ANK3: variants seen among roughly 807,000 people sequenced by gnomAD.
ANK3 encodes ankyrin 3.
In ANK3, 57 loss-of-function variants were observed where a neutral mutation model predicts 370.9. That is an observed-to-expected ratio of 0.15 (90% CI 0.12 to 0.19). ANK3 has a LOEUF of 0.19. ANK3 is among the 10% of genes least tolerant of loss of function. ANK3 has a pLI of 1.00. For missense variants in ANK3, 4,439 were observed against 5,302.1 expected, an observed-to-expected ratio of 0.84 and a Z score of 5.06; for synonymous variants, 1,929 against 1,946.3, an observed-to-expected ratio of 0.99 and a Z score of 0.23.
chr10:60,140,269 A>G (rs1329636462), intron 23 of ANK3: 12 of 1,387,866 alleles, frequency 8.6e-6, no homozygotes, highest in Non-Finnish European at 1.2e-5. Context: ...TATTTTAAGT[A>G]ACTATTTACG....
intron 7 of ANK3, among the ~76,000 whole-genome samples, chr10:60,238,977 T>C (rs896883581): frequency 1.3e-5 from 2 of 152,086 alleles, no homozygotes; most frequent in Non-Finnish European, 2.9e-5. Flanking sequence ...TGGAAACATT[T>C]GATAAGAAAA....
At chr10:60,094,558 T>C (rs1027477908) in intron 28 of ANK3, among the ~76,000 whole-genome samples, 4 of 152,148 alleles carry the variant, frequency 2.6e-5, no homozygotes, top group African/African-American at 4.8e-5. Flanking sequence ...AAGTTTTTTC[T>C]CTAAGAATAA....
At chr10:60,141,569 T>TG (rs2094562565) in intron 23 of ANK3, among the ~76,000 whole-genome samples, 4 of 59,076 alleles carry the variant, frequency 6.8e-5, no homozygotes, top group Non-Finnish European at 1.7e-4. Flanking sequence ...CTGTTTTTTT[T>TG]TTTTTTTTTT....
Position 60,077,681 on chromosome 10 carries a change from T to C in ANK3, c.4433-1233A>G, listed in dbSNP as rs186577469. On this transcript the variant is annotated intron_variant, in intron 36 of 43. Coordinates refer to ENST00000280772, the MANE Select transcript of ANK3 (RefSeq NM_020987.5). ...TCATAACCTAATCTACATTTAATTT[T>C]CAAAAGCTATCATGGGGGACATCTA... is the stretch of plus-strand genomic sequence containing the variant. Among the ~76,000 whole-genome samples, 340 of 152,338 alleles carry C rather than the reference T, an allele frequency of 2.2e-3. 3 individuals are homozygous for C. The highest frequency in any genetic ancestry group is 8.9e-3 in the South Asian group (43 of 4,826).
intron 2 of ANK3, among the ~76,000 whole-genome samples, chr10:60,431,990 T>A (rs2132980220): frequency 6.6e-6 from 1 of 152,282 alleles, no homozygotes; most frequent in Admixed American, 6.5e-5. Context: ...TCTCATGAAA[T>A]GAAATCAGAA....
intron 2 of ANK3, among the ~76,000 whole-genome samples, chr10:60,408,170 C>T (rs12776510): frequency 0.75 from 114,269 of 152,146 alleles, 43,115 homozygotes; most frequent in South Asian, 0.91. Flanking sequence ...CTTTCTGTTA[C>T]ATTCTATCAG....
At chr10:60,592,339 A>T (rs10994422) in intron 2 of ANK3, among the ~76,000 whole-genome samples, 1 of 152,240 alleles carries the variant, frequency 6.6e-6, no homozygotes, top group Non-Finnish European at 1.5e-5. Context: ...AATGTATAGG[A>T]CAATGAATTA....
intron 2 of ANK3, among the ~76,000 whole-genome samples, chr10:60,402,084 T>C (rs983406959): frequency 5.9e-5 from 9 of 152,210 alleles, no homozygotes; most frequent in African/African-American, 2.2e-4. Flanking sequence ...TTACAACTTA[T>C]TAACAGCTGT....
chr10:60,725,866 T>C (rs531744813), intron 1 of ANK3, among the ~76,000 whole-genome samples: 36 of 152,164 alleles, frequency 2.4e-4, no homozygotes, highest in African/African-American at 8.4e-4. Flanking sequence ...TTCCGAAACA[T>C]AGGGAAACTG....
intron 1 of ANK3, among the ~76,000 whole-genome samples, chr10:60,297,510 T>A (rs1593252851): frequency 6.6e-6 from 1 of 152,134 alleles, no homozygotes; most frequent in Non-Finnish European, 1.5e-5. Context: ...AAGACACAGT[T>A]TAATTTTTAT....
At chr10:60,715,112 T>C (rs937938588) in intron 1 of ANK3, among the ~76,000 whole-genome samples, 2 of 139,456 alleles carry the variant, frequency 1.4e-5, no homozygotes, top group African/African-American at 2.5e-5. Context: ...ACACTCTACA[T>C]TTTCTACTCC....
chr10:60,663,455 T>A (rs2078959812), intron 1 of ANK3, among the ~76,000 whole-genome samples: 1 of 152,078 alleles, frequency 6.6e-6, no homozygotes, highest in Admixed American at 6.6e-5. Context: ...GTCAGCTCTG[T>A]CCAGGGCTAT....
At chr10:60,172,568 G>C (rs1239443713) in intron 20 of ANK3, among the ~76,000 whole-genome samples, 165 bp from the exon 21 acceptor site, 1 of 152,178 alleles carries the variant, frequency 6.6e-6, no homozygotes, top group African/African-American at 2.4e-5. Flanking sequence ...TAACCTGTTT[G>C]TACAGCAAAG....
intron 2 of ANK3, among the ~76,000 whole-genome samples, chr10:60,501,628 C>T (rs1372663417): frequency 6.6e-6 from 1 of 150,736 alleles, no homozygotes; most frequent in Non-Finnish European, 1.5e-5. Flanking sequence ...ATGTTTGAAC[C>T]CTGGAGGCAG....
rs76853248 is a variant in ANK3, at chr10:60,124,599, T to G, written c.2841+9672A>C. Among the ~76,000 whole-genome samples the G allele has an allele frequency of 9.0e-3, 1,364 of 152,370 alleles. 28 individuals carry two copies. Among genetic ancestry groups the G allele is most frequent in the African/African-American group, 0.031 (1,284 of 41,576 alleles). ...ATCACAGGGAGAAGTCAGAGCTGCC[T>G]GCTGGATTAACAGAAATAATAGTGG... On this transcript the variant is annotated intron_variant, in intron 25 of 43. Transcript: ENST00000280772.
At chr10:60,197,920 A>T (rs2096612714) in intron 14 of ANK3, among the ~76,000 whole-genome samples, 1 of 152,244 alleles carries the variant, frequency 6.6e-6, no homozygotes, top group African/African-American at 2.4e-5. Flanking sequence ...AAGAACAAGA[A>T]CAAACAAAAA....
chr10:60,722,650 C>A (rs1291907611), intron 1 of ANK3, among the ~76,000 whole-genome samples: 1 of 151,962 alleles, frequency 6.6e-6, no homozygotes, highest in Non-Finnish European at 1.5e-5. Context: ...GAAATATAAC[C>A]CCCAACGTTG....
At chr10:60,416,558 A>C (rs922789283) in intron 2 of ANK3, among the ~76,000 whole-genome samples, 8 of 152,210 alleles carry the variant, frequency 5.3e-5, no homozygotes, top group Non-Finnish European at 1.0e-4. Context: ...TGTGGGGAGG[A>C]GACTAACTGA....
At chr10:60,732,518 A>G (rs1238407941) in intron 1 of ANK3, among the ~76,000 whole-genome samples, 1 of 152,160 alleles carries the variant, frequency 6.6e-6, no homozygotes, top group Non-Finnish European at 1.5e-5. Context: ...TTTTGTTTGC[A>G]TGCCTTTACA....
Sources: allele counts gnomAD v4.1 joint callset (sites outside exome capture counted in the v4.1 genomes callset), GRCh38; gene constraint gnomAD v4.1.1; transcripts MANE v1.5; gene names NCBI Gene and HGNC (gene_info 2026-07-23, HGNC 2026-07-21).